The following SDK1 variants were observed in gnomAD, a reference collection of about 807,000 sequenced individuals.
SDK1 encodes sidekick cell adhesion molecule 1, also known as protein sidekick-1.
In SDK1, 157 loss-of-function variants were observed where a neutral mutation model predicts 245.5. That is an observed-to-expected ratio of 0.64 (90% confidence interval 0.56 to 0.73). The LOEUF (loss-of-function observed/expected upper bound fraction) is 0.73. Ranked by LOEUF, SDK1 falls within the 30% of genes least tolerant of loss-of-function variation. The probability of loss-of-function intolerance (pLI) is 0.00; values close to 1 mark genes in which losing one functional copy is unlikely to be tolerated. For synonymous variants in SDK1, 1,647 were observed against 1,278.5 expected (o/e 1.29, Z -6.15); for missense variants, 3,583 against 3,002.3 (o/e 1.19, Z -4.52).
At chr7:4,256,205 C>T (rs1255885503) in intron 44 of SDK1, among the ~76,000 whole-genome samples, 2 of 152,208 alleles carry the variant, frequency 1.3e-5, no homozygotes, top group South Asian at 4.1e-4. Context: ...CAGGCGTGAG[C>T]CACTGCACCC....
chr7:4,021,049 C>T (rs1786849683), intron 17 of SDK1, among the ~76,000 whole-genome samples: 1 of 152,184 alleles, frequency 6.6e-6, no homozygotes, highest in Non-Finnish European at 1.5e-5. Context: ...CATCTCCCTA[C>T]TGACAGTAAC....
intron 4 of SDK1, among the ~76,000 whole-genome samples, chr7:3,747,956 C>T (rs73304248): frequency 0.052 from 7,924 of 151,710 alleles, 596 homozygotes; most frequent in African/African-American, 0.17. Flanking sequence ...GAAACTGATA[C>T]GAAAAATAAT....
At chr7:4,087,479 G>GCGCACACACA (rs1554336240) in intron 22 of SDK1, among the ~76,000 whole-genome samples, 5,694 of 150,314 alleles carry the variant, frequency 0.038, 330 homozygotes, top group African/African-American at 0.12. Context: ...ACACACGCGC[G>GCGCACACACA]CACACACACA....
At chr7:3,616,222 A>G (rs563335764) in intron 1 of SDK1, among the ~76,000 whole-genome samples, 14 of 152,154 alleles carry the variant, frequency 9.2e-5, no homozygotes, top group African/African-American at 3.4e-4. Flanking sequence ...CATCATCATC[A>G]TCATTATCAT....
In SDK1 at chr7:3,635,500, G is replaced by A. The variant is rs571574239; in HGVS notation, c.459-3504G>A. On this transcript the variant is annotated intron_variant, in intron 2 of 44. Transcript: ENST00000404826. ...GTTGAATATAAGTGATTCAAGATAT[G>A]CTTGGGAACTGAGCAAATACAGCGT... Among the ~76,000 whole-genome samples, 70 of 152,304 alleles carry A rather than the reference G, an allele frequency of 4.6e-4. 2 individuals are homozygous for A. The South Asian group carries it at 0.013, about 29-fold the overall frequency.
intron 4 of SDK1, among the ~76,000 whole-genome samples, chr7:3,645,467 T>C (rs908160304): frequency 2.0e-5 from 3 of 152,200 alleles, no homozygotes; most frequent in Non-Finnish European, 4.4e-5. Context: ...TGTGTTTTTC[T>C]CCACAAATTT....
intron 1 of SDK1, among the ~76,000 whole-genome samples, chr7:3,613,672 T>G (rs1322241985): frequency 6.6e-6 from 1 of 152,128 alleles, no homozygotes; most frequent in Non-Finnish European, 1.5e-5. Context: ...ATCGTTCTAT[T>G]ATAGAGACAC....
chr7:3,473,551 T>G lies in SDK1; in HGVS notation c.299-145529T>G, dbSNP rs544894251. Among the ~76,000 whole-genome samples, 11 of 152,324 alleles carry G rather than the reference T, an allele frequency of 7.2e-5. No homozygotes were observed. The East Asian group carries it at 2.1e-3, about 29-fold the overall frequency. ...CAGCCTCTAGATAGGACTCTTGCAG[T>G]ATGTGGGACGTTGGCTGTCCTAAAT... On this transcript the variant is annotated intron_variant, in intron 1 of 44. Transcript: ENST00000404826.
At chr7:3,493,717 G>A (rs983619433) in intron 1 of SDK1, among the ~76,000 whole-genome samples, 1 of 152,198 alleles carries the variant, frequency 6.6e-6, no homozygotes, top group Non-Finnish European at 1.5e-5. Flanking sequence ...AATTATTCTT[G>A]TGTTAACTCA....
intron 2 of SDK1, among the ~76,000 whole-genome samples, chr7:3,623,681 A>G (rs905690462): frequency 6.6e-6 from 1 of 152,314 alleles, no homozygotes; most frequent in African/African-American, 2.4e-5. Flanking sequence ...TCCAGAAAGC[A>G]TTTAGTCTAA....
chr7:3,916,452 C>G (rs1340711203), intron 5 of SDK1, among the ~76,000 whole-genome samples: 1 of 152,182 alleles, frequency 6.6e-6, no homozygotes, highest in African/African-American at 2.4e-5. Context: ...TTGCACACGT[C>G]TTAGTGCTGT....
chr7:3,898,679 A>C (rs1583529522), intron 5 of SDK1, among the ~76,000 whole-genome samples: 1 of 152,320 alleles, frequency 6.6e-6, no homozygotes, highest in South Asian at 2.1e-4. Context: ...ATTAACAAAA[A>C]GTTTGAATTA....
chr7:3,913,439 G>A (rs373952418), intron 5 of SDK1, among the ~76,000 whole-genome samples: 38 of 152,034 alleles, frequency 2.5e-4, no homozygotes, highest in South Asian at 1.9e-3. Context: ...GACTACAGGC[G>A]CTCGCCACAA....
chr7:4,071,587 T>C (rs908141130), intron 20 of SDK1, among the ~76,000 whole-genome samples: 79 of 152,334 alleles, frequency 5.2e-4, no homozygotes, highest in African/African-American at 1.7e-3. Flanking sequence ...GAGGGCACTA[T>C]AGACTGCAGG....
At chr7:3,635,088 A>T (rs1443673459) in intron 2 of SDK1, among the ~76,000 whole-genome samples, 1 of 152,224 alleles carries the variant, frequency 6.6e-6, no homozygotes, top group Non-Finnish European at 1.5e-5. Context: ...CCTCTGTTGT[A>T]ATCACAGCAT....
At chr7:3,707,770 T>C (rs974534211) in intron 4 of SDK1, among the ~76,000 whole-genome samples, 2 of 152,222 alleles carry the variant, frequency 1.3e-5, no homozygotes, top group Non-Finnish European at 2.9e-5. Flanking sequence ...TAATTCTTCT[T>C]GTTGGATTCA....
chr7:3,988,190 C>T (rs984448407), intron 14 of SDK1, among the ~76,000 whole-genome samples: 1 of 146,654 alleles, frequency 6.8e-6, no homozygotes, highest in Non-Finnish European at 1.5e-5. Flanking sequence ...AATCTCTGCT[C>T]CCAGCACCCC....
intron 1 of SDK1, among the ~76,000 whole-genome samples, chr7:3,593,827 G>T (rs568983987): frequency 6.6e-6 from 1 of 152,028 alleles, no homozygotes; most frequent in Admixed American, 6.5e-5. Context: ...CCACTTCGCA[G>T]CTCTTTTCTC....
chr7:3,463,349 C>CATGAATGA (rs58081155), intron 1 of SDK1, among the ~76,000 whole-genome samples: 2 of 151,862 alleles, frequency 1.3e-5, no homozygotes, highest in East Asian at 1.9e-4. Context: ...CTCACATATT[C>CATGAATGA]ATGAATGAAT....
Sources: gnomAD v4.1 joint callset for allele counts (sites outside exome capture counted in the v4.1 genomes callset) on GRCh38, gnomAD v4.1.1 for gene constraint, MANE v1.5 for transcripts, NCBI Gene and HGNC (gene_info 2026-07-23, HGNC 2026-07-21) for gene names.